Variants in PCDHA10 observed in about 807,000 individuals in gnomAD.
PCDHA10 encodes protocadherin alpha-10.
A neutral mutation model predicts 61.2 loss-of-function variants in PCDHA10; 45 were observed. The observed-to-expected ratio is 0.74, with a 90% CI of 0.58 to 0.94. PCDHA10 has a LOEUF of 0.94. Among genes scored for constraint, PCDHA10 ranks in the 40% least tolerant of loss-of-function variants. The probability of loss-of-function intolerance (pLI) is 0.00; values close to 1 mark genes in which losing one functional copy is unlikely to be tolerated. For missense variants in PCDHA10, 1,278 were observed against 1,236.2 expected (o/e 1.03, Z -0.51); for synonymous variants, 602 against 548.8 (o/e 1.10, Z -1.35).
chr5:140,985,465 A>T (rs1195143465), intron 3 of PCDHA10, among the ~76,000 whole-genome samples: 1 of 152,126 alleles, frequency 6.6e-6, no homozygotes, highest in Non-Finnish European at 1.5e-5. Flanking sequence ...TGCTCCAAAA[A>T]ATTTGGTTGT....
At chr5:140,886,554 A>G (rs2061020893) in intron 1 of PCDHA10, among the ~76,000 whole-genome samples, 1 of 152,078 alleles carries the variant, frequency 6.6e-6, no homozygotes, top group South Asian at 2.1e-4. Flanking sequence ...CCAGCTGGGC[A>G]CGGTGGCTCA....
intron 1 of PCDHA10, chr5:140,871,236 ACTCACGCTG>A: frequency 6.2e-7 from 1 of 1,613,908 alleles, no homozygotes; most frequent in Non-Finnish European, 8.5e-7. Context: ...GCCTCCTGGT[ACTCACGCTG>A]CTGCTGTATA....
At chr5:140,907,416 T>C (rs1209334366) in intron 1 of PCDHA10, among the ~76,000 whole-genome samples, 1 of 152,206 alleles carries the variant, frequency 6.6e-6, no homozygotes, top group East Asian at 1.9e-4. Flanking sequence ...ACCACGATGG[T>C]GGATAAGGCA....
Position 140,968,070 on chromosome 5 carries a change from A to G in PCDHA10, c.2389-10879A>G, listed in dbSNP as rs377189542. On this transcript the variant is annotated intron_variant, in intron 1 of 3. Transcript: ENST00000307360. The stretch of plus-strand genomic sequence containing the variant: ...CTGGACCGAGAGCGGGTGGCTGTCT[A>G]CAACATCACGGTGACAGCCACAGAT... 3.5e-5 allele frequency: 57 copies of G among 1,614,034 alleles called. No homozygotes were observed. The highest frequency in any genetic ancestry group is 1.6e-4 in the Middle Eastern group (1 of 6,082).
At chr5:140,988,698 A>AT (rs782470160) in intron 3 of PCDHA10, among the ~76,000 whole-genome samples, 115 of 152,234 alleles carry the variant, frequency 7.6e-4, no homozygotes, top group Middle Eastern at 6.8e-3. Flanking sequence ...GACGCTCTGT[A>AT]TTTTCTTGGA....
At chr5:140,879,180 G>C (rs1459369751) in intron 1 of PCDHA10, among the ~76,000 whole-genome samples, 14 of 152,206 alleles carry the variant, frequency 9.2e-5, no homozygotes, top group African/African-American at 3.4e-4. Context: ...TAGGTATCAA[G>C]TAATGGAGAC....
At chr5:140,866,463 T>C (rs1372484700) in intron 1 of PCDHA10, 1 of 152,128 alleles carries the variant, frequency 6.6e-6, no homozygotes, top group Non-Finnish European at 1.5e-5. Flanking sequence ...GCTGGGAAGC[T>C]CATAACAACT....
Position 140,857,453 on chromosome 5 carries a change from C to A in PCDHA10, c.1405C>A (p.Pro469Thr), listed in dbSNP as rs545328956. Residue 469 changes from proline (P) to threonine (T), a missense_variant, in exon 1 of 4, where the codon CCA becomes ACA. Coordinates refer to ENST00000307360, the MANE Select transcript of PCDHA10 (RefSeq NM_018901.4). ...GGTGTTCGTGAAGGAGAACAACCCG[C>A]CAGGCTGCCACATCTTCACGGTGTC... ...YTVFVKENNP[P>T]GCHIFTVSAW... is the part of the protein sequence containing the mutation. 1 of 1,598,604 alleles carries A rather than the reference C, an allele frequency of 6.3e-7. No individual in the cohort carries two copies. The highest frequency in any genetic ancestry group is 1.1e-5 in the South Asian group (1 of 90,558).
At chr5:140,868,805 C>T (rs1316864299) in intron 1 of PCDHA10, 7 of 356,302 alleles carry the variant, frequency 2.0e-5, no homozygotes, top group African/African-American at 1.4e-4. Context: ...TAAATAAGCA[C>T]GTTGGAAATA....
chr5:140,872,231 T>A (rs1050025307), intron 1 of PCDHA10, among the ~76,000 whole-genome samples: 2 of 152,228 alleles, frequency 1.3e-5, no homozygotes, highest in Non-Finnish European at 2.9e-5. Context: ...TCTTTACTTT[T>A]GTCTTTATTC....
At position 141,010,004 on chromosome 5, in the gene PCDHA10, A is replaced by T; in HGVS notation, c.*67A>T. 1 of 1,573,418 alleles carries T rather than the reference A, an allele frequency of 6.4e-7. No individual in the cohort carries two copies. The highest frequency in any genetic ancestry group is 8.6e-7 in the Non-Finnish European group (1 of 1,163,824). ...TAATGGCAAATCTCTCCCATGTAGC[A>T]ATTCCCTGCTCCTTTTTCCTATCTA... On this transcript the variant is annotated 3_prime_UTR_variant, in exon 4 of 4. Transcript: ENST00000307360.
chr5:140,967,229 C>T, intron 1 of PCDHA10: 2 of 1,613,760 alleles, frequency 1.2e-6, no homozygotes, highest in East Asian at 2.2e-5. Flanking sequence ...CAACTACCAG[C>T]TTCAGGTAAG....
At chr5:140,928,752 T>C (rs781823494) in intron 1 of PCDHA10, 3 of 1,614,208 alleles carry the variant, frequency 1.9e-6, no homozygotes, top group Non-Finnish European at 2.5e-6. Context: ...AGCTCCGTAC[T>C]GCTCGCTTAG....
At chr5:140,904,932 T>C in intron 1 of PCDHA10, among the ~76,000 whole-genome samples, 1 of 152,250 alleles carries the variant, frequency 6.6e-6, no homozygotes, top group African/African-American at 2.4e-5. Context: ...TTGTAGGTTC[T>C]GGATATTAGT....
rs1389969210 is a variant in PCDHA10, at chr5:140,877,650, G to T, written c.2388+19214G>T. The T allele has an allele frequency of 3.1e-6, 5 of 1,613,390 alleles. No individual in the cohort carries two copies. The African/African-American group carries it at 6.7e-5, about 22-fold the overall frequency. ...ACACTGCGCTGCGTTGCTCAGCGCC[G>T]CCCACCGTGAGCCGGTGCGCGCCGG... On this transcript the variant is annotated intron_variant, in intron 1 of 3. Coordinates refer to ENST00000307360, the MANE Select transcript of PCDHA10 (RefSeq NM_018901.4).
At chr5:140,928,914 A>C in intron 1 of PCDHA10, 2 of 1,614,136 alleles carry the variant, frequency 1.2e-6, no homozygotes, top group Non-Finnish European at 1.7e-6. Flanking sequence ...GGGAACCAGG[A>C]GGGCAGCTTT....
chr5:140,882,299 C>T (rs781797969), intron 1 of PCDHA10: 33 of 1,613,690 alleles, frequency 2.0e-5, no homozygotes, highest in Non-Finnish European at 2.7e-5. Flanking sequence ...AGGCCCAAGA[C>T]CGCGGCAACT....
At chr5:140,876,058 C>G in intron 1 of PCDHA10, 4 of 1,613,868 alleles carry the variant, frequency 2.5e-6, no homozygotes, top group Non-Finnish European at 3.4e-6. Flanking sequence ...TGAATTAGTT[C>G]TTCGGAAGTT....
chr5:140,973,631 A>G (rs1554235456), intron 1 of PCDHA10, among the ~76,000 whole-genome samples: 1 of 152,210 alleles, frequency 6.6e-6, no homozygotes, highest in African/African-American at 2.4e-5. Flanking sequence ...TGTATCTTGT[A>G]CACATTCTGA....
Sources: gnomAD v4.1 joint callset for allele counts (sites outside exome capture counted in the v4.1 genomes callset) on GRCh38, gnomAD v4.1.1 for gene constraint, MANE v1.5 for transcripts, NCBI Gene and HGNC (gene_info 2026-07-23, HGNC 2026-07-21) for gene names.